Variants in SCN8A observed in about 807,000 individuals in gnomAD.
SCN8A encodes sodium channel protein type 8 subunit alpha.
SCN8A carries 30 observed loss-of-function variants against 184.1 expected under a neutral mutation model. That is an observed-to-expected ratio of 0.16 (90% CI 0.12 to 0.22). The LOEUF is 0.22. Ranked by LOEUF, SCN8A falls within the 10% of genes least tolerant of loss-of-function variation. The pLI is 1.00. For missense variants in SCN8A, 1,057 were observed against 2,498.9 expected (o/e 0.42, Z 12.30); for synonymous variants, 852 against 907.0 (o/e 0.94, Z 1.09).
chr12:51,593,998 G>A (rs982754015), intron 1 of SCN8A, among the ~76,000 whole-genome samples: 2 of 152,308 alleles, frequency 1.3e-5, no homozygotes, highest in East Asian at 1.9e-4. Flanking sequence ...TCAGGAGAGC[G>A]TCTTCTGTGG....
intron 1 of SCN8A, among the ~76,000 whole-genome samples, chr12:51,599,697 C>A (rs144656903): frequency 5.3e-4 from 80 of 152,272 alleles, no homozygotes; most frequent in African/African-American, 1.8e-3. Flanking sequence ...AAGGAATGGA[C>A]ATCCACTTAG....
At chr12:51,739,536 C>T (rs1383669425) in intron 12 of SCN8A, among the ~76,000 whole-genome samples, 1 of 152,186 alleles carries the variant, frequency 6.6e-6, no homozygotes, top group Non-Finnish European at 1.5e-5. Context: ...CTTCACTATT[C>T]TCTTGTTCCT....
chr12:51,770,865 T>C (rs1942915555), intron 19 of SCN8A, among the ~76,000 whole-genome samples, 182 bp downstream of exon 19: 1 of 152,230 alleles, frequency 6.6e-6, no homozygotes, highest in Middle Eastern at 3.2e-3. Context: ...GAATCCATAC[T>C]TGTTCACATT....
Position 51,769,039 on chromosome 12 carries a change from C to A in SCN8A, c.3076C>A (p.Arg1026Ser). 1 of 1,613,936 alleles carries A rather than the reference C, an allele frequency of 6.2e-7. No individual in the cohort carries two copies. The highest frequency in any genetic ancestry group is 1.3e-5 in the African/African-American group (1 of 75,032). Residue 1026 changes from arginine (R) to serine (S), a missense_variant, in exon 17 of 27, where the codon CGT becomes AGT. Around this residue, in one of 19 missense-constraint regions of SCN8A, gnomAD observed 178 missense variants for 259.6 expected, o/e 0.69. Coordinates refer to ENST00000627620, the MANE Select transcript of SCN8A (RefSeq NM_001330260.2). ...CTTCATGCAGGCCCACTTTAAGCAG[C>A]GTGAGGCTGATGAGGTGAAGCCTCT... ...HAFMQAHFKQ[R>S]EADEVKPLDE...
At position 51,689,259 on chromosome 12, in the gene SCN8A, G is replaced by C. The variant is rs1314734918; in HGVS notation, c.706+163G>C. ...TCTGGAATGGCCGTTGGGTCCTCAG[G>C]CAGTTTTCTCTGAGTGCTTGCCAGG... On this transcript the variant is annotated intron_variant, in intron 6 of 26. Transcript: ENST00000627620. 6.4e-6 allele frequency: 4 copies of C among 626,978 alleles called. No individual in the cohort carries two copies. In the East Asian group the frequency reaches 1.1e-4, roughly 17 times the overall value. The allele number at this position is 626,978 out of a possible 1,614,324, so 38.8% of individuals were successfully genotyped here.
intron 2 of SCN8A, among the ~76,000 whole-genome samples, chr12:51,679,093 TAAA>T (rs58620372): frequency 2.0e-5 from 3 of 149,638 alleles, no homozygotes; most frequent in Non-Finnish European, 1.5e-5. Flanking sequence ...AATAAAAAAA[TAAA>T]AAAAAATAAA....
intron 12 of SCN8A, among the ~76,000 whole-genome samples, chr12:51,736,522 C>G (rs1170929353): frequency 6.6e-6 from 1 of 152,180 alleles, no homozygotes; most frequent in Non-Finnish European, 1.5e-5. Context: ...CCAGGTAATG[C>G]TATATCTGCA....
Position 51,689,041 on chromosome 12 carries a change from A to G in SCN8A, c.651A>G (p.Ser217=), listed in dbSNP as rs765144627. 1.9e-6 allele frequency: 3 copies of G among 1,614,004 alleles called. No homozygotes were observed. The highest frequency in any genetic ancestry group is 2.2e-5 in the South Asian group (2 of 91,056). Residue 217 remains serine, a synonymous_variant, in exon 6 of 27, where the codon TCA becomes TCG. Transcript: ENST00000627620. ...AGTTTGTGGACCTGGGCAATGTCTC[A>G]GCGCTGAGAACATTCAGGGTTCTCC... ...VTEFVDLGNV[S]ALRTFRVLRA...
At chr12:51,743,977 A>G (rs1164863113) in intron 12 of SCN8A, among the ~76,000 whole-genome samples, 1 of 152,136 alleles carries the variant, frequency 6.6e-6, no homozygotes, top group East Asian at 1.9e-4. Context: ...TATCCACACC[A>G]CTTAGCAAAC....
intron 1 of SCN8A, among the ~76,000 whole-genome samples, chr12:51,662,507 G>A (rs999065172): frequency 6.6e-6 from 1 of 152,120 alleles, no homozygotes; most frequent in African/African-American, 2.4e-5. Flanking sequence ...TTTGTCATAT[G>A]TGGTTCCTAA....
intron 10 of SCN8A, 55 bp from the exon 11 acceptor site, chr12:51,706,367 G>A: frequency 6.8e-7 from 1 of 1,468,618 alleles, no homozygotes; most frequent in Non-Finnish European, 9.0e-7. Context: ...GTTGGCTTTG[G>A]GTGGCTCCAG....
rs561779648 is a variant in SCN8A at position 51,704,985 on chromosome 12, T to A, written c.1135-432T>A. On this transcript the variant is annotated intron_variant, in intron 9 of 26. Coordinates refer to ENST00000627620, the MANE Select transcript of SCN8A (RefSeq NM_001330260.2). ...GTGACACTTCATCTCAAAAAAAAAA[T>A]AAATAAAATAAAAAGATGGGATTTC... Among the ~76,000 whole-genome samples the A allele has an allele frequency of 5.3e-5, 8 of 151,908 alleles. No individual in the cohort carries two copies. The East Asian group carries it at 7.7e-4, about 15-fold the overall frequency.
At chr12:51,649,204 C>T (rs1940655967) in intron 1 of SCN8A, among the ~76,000 whole-genome samples, 1 of 152,210 alleles carries the variant, frequency 6.6e-6, no homozygotes. Context: ...TTGGGCTGCT[C>T]CACCCTTGTG....
chr12:51,692,567 G>A (rs1941529527), intron 6 of SCN8A, among the ~76,000 whole-genome samples: 1 of 152,174 alleles, frequency 6.6e-6, no homozygotes, highest in African/African-American at 2.4e-5. Flanking sequence ...GTGCTAAAAG[G>A]GTCGGTTATA....
chr12:51,788,174 G>T (rs1938139876), intron 22 of SCN8A, among the ~76,000 whole-genome samples: 1 of 152,036 alleles, frequency 6.6e-6, no homozygotes, highest in South Asian at 2.1e-4. Context: ...CAAGGATAAA[G>T]CTGGTATTGC....
Position 51,702,767 on chromosome 12 carries a change from C to T in SCN8A, c.993-6C>T, listed in dbSNP as rs2138742271. 1.3e-6 allele frequency: 2 copies of T among 1,574,298 alleles called. No individual in the cohort carries two copies. The highest frequency in any genetic ancestry group is 1.7e-6 in the Non-Finnish European group (2 of 1,158,756). On this transcript the variant is annotated splice_polypyrimidine_tract_variant and splice_region_variant and intron_variant, in intron 8 of 26. Transcript: ENST00000627620. The stretch of plus-strand genomic sequence containing the variant: ...AAAAGTCCTGAACTTCCCTTTCTTT[C>T]TTTAGGCAATGCCCAGAGGGATACC...
At chr12:51,663,654 A>G (rs545892501) in intron 2 of SCN8A, among the ~76,000 whole-genome samples, 2 of 152,324 alleles carry the variant, frequency 1.3e-5, no homozygotes, top group East Asian at 1.9e-4. Flanking sequence ...TGATTCTTGC[A>G]GTAGAGTCAA....
chr12:51,593,489 T>G (rs1939276931), intron 1 of SCN8A, among the ~76,000 whole-genome samples: 1 of 152,216 alleles, frequency 6.6e-6, no homozygotes, highest in Admixed American at 6.5e-5. Flanking sequence ...GATAATCAAG[T>G]GGAATACTGC....
At chr12:51,606,391 T>G (rs1939592937) in intron 1 of SCN8A, among the ~76,000 whole-genome samples, 1 of 152,206 alleles carries the variant, frequency 6.6e-6, no homozygotes, top group Non-Finnish European at 1.5e-5. Context: ...GAAGATCAGT[T>G]GGCTGTAAGT....
Sources: gnomAD v4.1 joint callset for allele counts (sites outside exome capture counted in the v4.1 genomes callset) on GRCh38, gnomAD v4.1.1 for gene constraint, gnomAD v4.1.1 regional missense constraint, MANE v1.5 for transcripts, NCBI Gene and HGNC (gene_info 2026-07-23, HGNC 2026-07-21) for gene names.